GYPE: variants seen among roughly 807,000 people sequenced by gnomAD.
GYPE encodes the protein glycophorin E (MNS blood group).
A neutral mutation model predicts 11.6 loss-of-function variants in GYPE; 8 were observed. The observed-to-expected ratio is 0.69, with a 90% CI of 0.41 to 1.25. The LOEUF is 1.25. Among genes scored for constraint, GYPE ranks in the 50% most tolerant of loss-of-function variants. The pLI, the probability that GYPE is intolerant of heterozygous loss-of-function variation, is 0.01. For synonymous variants in GYPE, 28 were observed against 29.6 expected, an observed-to-expected ratio of 0.94 and a Z score of 0.18; for missense variants, 90 against 92.8, an observed-to-expected ratio of 0.97 and a Z score of 0.12.
At chr4:143,880,542 G>C in intron 1 of GYPE, 33 bp from the exon 2 acceptor site, 6 of 1,613,446 alleles carry the variant, frequency 3.7e-6, no homozygotes, top group Non-Finnish European at 5.1e-6. Flanking sequence ...AAGGGATTAA[G>C]AACGAGGTGA....
chr4:143,874,622 ACTC>A lies in GYPE; in HGVS notation c.*9+2121_*9+2123del, dbSNP rs1743728482. 2.0e-5 allele frequency among the ~76,000 whole-genome samples: 3 copies of A among 152,106 alleles called. No individual in the cohort carries two copies. In the South Asian group the frequency reaches 6.2e-4, roughly 32 times the overall value. On this transcript the variant is annotated intron_variant, in intron 3 of 3. Transcript: ENST00000358615. Reference sequence around the variant, plus strand: ...GGATGGGAGAAAAGAGACCTCAGACACTCCTCCTTCTGACTCCAAGGATAAGGC... The same window carrying A: ...GGATGGGAGAAAAGAGACCTCAGACACTCCTTCTGACTCCAAGGATAAGGC...
intron 1 of GYPE, among the ~76,000 whole-genome samples, chr4:143,883,032 A>C (rs1331728160): frequency 2.6e-5 from 4 of 152,152 alleles, no homozygotes; most frequent in Non-Finnish European, 5.9e-5. Context: ...GTGGAAATGT[A>C]ATCCCCAATG....
At chr4:143,875,738 G>A (rs1221515738) in intron 3 of GYPE, among the ~76,000 whole-genome samples, 3 of 152,086 alleles carry the variant, frequency 2.0e-5, no homozygotes, top group African/African-American at 7.2e-5. Flanking sequence ...GGAGGCCAAG[G>A]CAGGTGGATC....
chr4:143,895,737 C>T (rs912292899), intron 1 of GYPE, among the ~76,000 whole-genome samples: 15 of 148,366 alleles, frequency 1.0e-4, no homozygotes, highest in Middle Eastern at 6.9e-3. Flanking sequence ...GGAGGCATCA[C>T]GCTACCTGGC....
intron 3 of GYPE, among the ~76,000 whole-genome samples, chr4:143,874,676 C>A (rs780882751): frequency 1.1e-4 from 17 of 152,110 alleles, no homozygotes; most frequent in Admixed American, 3.9e-4. Flanking sequence ...GGTGTGTACT[C>A]GAAGAGGAAA....
intron 1 of GYPE, among the ~76,000 whole-genome samples, chr4:143,893,503 C>G (rs1016898301): frequency 4.9e-4 from 74 of 151,534 alleles, no homozygotes; most frequent in African/African-American, 1.6e-3. Context: ...TAGGGCAGGC[C>G]TGGTGGTGAC....
intron 3 of GYPE, 94 bp from the exon 4 acceptor site, chr4:143,872,346 C>G (rs1386277822): frequency 6.6e-6 from 1 of 152,516 alleles, no homozygotes; most frequent in African/African-American, 2.4e-5. Flanking sequence ...AGTTGCCTAT[C>G]TCCCCAAGAT....
chr4:143,875,378 G>A (rs1743755411), intron 3 of GYPE: 48 of 1,252,476 alleles, frequency 3.8e-5, no homozygotes, highest in Non-Finnish European at 5.4e-5. Context: ...AGGAGAACAG[G>A]GAGTTAGGAT....
At chr4:143,875,644 G>A in intron 3 of GYPE, 1 of 1,388,376 alleles carries the variant, frequency 7.2e-7, no homozygotes, top group South Asian at 1.3e-5. Flanking sequence ...AGGGTACCTA[G>A]GGGTGTTGCC....
At chr4:143,895,605 C>A (rs952131288) in intron 1 of GYPE, among the ~76,000 whole-genome samples, 2 of 148,188 alleles carry the variant, frequency 1.3e-5, no homozygotes, top group Non-Finnish European at 3.0e-5. Context: ...AGATTCAATG[C>A]CATCCCCATC....
intron 1 of GYPE, among the ~76,000 whole-genome samples, chr4:143,889,323 C>T (rs1312276064): frequency 1.3e-5 from 2 of 152,040 alleles, no homozygotes; most frequent in African/African-American, 4.8e-5. Flanking sequence ...TCATTCCAGC[C>T]AGTGCACATT....
At chr4:143,902,350 A>T (rs1400075242) in intron 1 of GYPE, among the ~76,000 whole-genome samples, 1 of 151,906 alleles carries the variant, frequency 6.6e-6, no homozygotes, top group East Asian at 1.9e-4. Flanking sequence ...GAAAAAAAAA[A>T]AAAAAAAAGA....
intron 1 of GYPE, among the ~76,000 whole-genome samples, chr4:143,898,239 T>C (rs942704484): frequency 7.9e-5 from 12 of 152,038 alleles, no homozygotes; most frequent in Non-Finnish European, 1.5e-4. Flanking sequence ...TAACTGGGCG[T>C]GGTGGTGTGC....
At chr4:143,891,520 G>A (rs947632735) in intron 1 of GYPE, among the ~76,000 whole-genome samples, 2 of 151,448 alleles carry the variant, frequency 1.3e-5, no homozygotes, top group Non-Finnish European at 2.9e-5. Context: ...AGTAGAGATG[G>A]GGTTTCACTG....
In GYPE at chr4:143,876,854, C is replaced by T. The variant is rs1430133390; in HGVS notation, c.138G>A (p.Gly46=). The stretch of plus-strand genomic sequence containing the variant: ...TCGCCCACCAATTAATGAGTGTTAT[C>T]CCTACAGGAGATAAAGAGAGCGGCA... ...TKSYISSQTN[G]ITLINWWAMA... Residue 46 remains glycine (G), a splice_region_variant and synonymous_variant, in exon 3 of 4, where the codon GGG becomes GGA. Transcript: ENST00000358615. 1.9e-6 allele frequency: 3 copies of T among 1,587,036 alleles called. No homozygotes were observed. The highest frequency in any genetic ancestry group is 2.6e-6 in the Non-Finnish European group (3 of 1,156,304).
chr4:143,883,589 TA>T (rs1172783798), intron 1 of GYPE, among the ~76,000 whole-genome samples: 5 of 144,726 alleles, frequency 3.5e-5, no homozygotes, highest in African/African-American at 1.3e-4. Flanking sequence ...AATTATGAAT[TA>T]ATAATTAATA....
intron 2 of GYPE, among the ~76,000 whole-genome samples, chr4:143,878,996 A>T (rs1234042084): frequency 2.0e-5 from 3 of 152,168 alleles, no homozygotes; most frequent in East Asian, 1.9e-4. Context: ...ATGCATTTTT[A>T]AAAAATATAA....
At chr4:143,875,306 A>C in intron 3 of GYPE, 1 of 667,104 alleles carries the variant, frequency 1.5e-6, no homozygotes, top group East Asian at 2.8e-5. Flanking sequence ...TGACTATACT[A>C]CATGCAAATA....
chr4:143,873,592 C>T (rs2590023), intron 3 of GYPE: 5 of 381,860 alleles, frequency 1.3e-5, no homozygotes, highest in Admixed American at 3.1e-5. Flanking sequence ...ACAAGACCAT[C>T]TGGAAGAGAC....
Sources: gnomAD v4.1 joint callset for allele counts (sites outside exome capture counted in the v4.1 genomes callset) on GRCh38, gnomAD v4.1.1 for gene constraint, MANE v1.5 for transcripts, NCBI Gene and HGNC (gene_info 2026-07-23, HGNC 2026-07-21) for gene names.